ODAD2: variants seen among roughly 807,000 people sequenced by gnomAD.
ODAD2 encodes outer dynein arm docking complex subunit 2.
ODAD2 carries 89 observed loss-of-function variants against 106.8 expected under a neutral mutation model. The observed-to-expected ratio is 0.83, with a 90% CI of 0.70 to 0.99. ODAD2 has a LOEUF of 0.99. ODAD2 is among the 50% of genes least tolerant of loss of function. The probability of loss-of-function intolerance (pLI) is 0.00; values close to 1 mark genes in which losing one functional copy is unlikely to be tolerated. For missense variants in ODAD2, 1,168 were observed against 1,238.5 expected (o/e 0.94, Z 0.85); for synonymous variants, 404 against 436.2 (o/e 0.93, Z 0.92).
intron 7 of ODAD2, among the ~76,000 whole-genome samples, chr10:27,979,313 C>G (rs1267635427): frequency 6.6e-6 from 1 of 151,200 alleles, no homozygotes; most frequent in Non-Finnish European, 1.5e-5. Context: ...CCAGGAAGTC[C>G]TAGCCACAGT....
chr10:27,981,520 A>G lies in ODAD2; in HGVS notation c.882T>C (p.Leu294=). 2.0e-6 allele frequency: 3 copies of G among 1,536,738 alleles called. No homozygotes were observed. The highest frequency in any genetic ancestry group is 2.6e-6 in the Non-Finnish European group (3 of 1,154,546). ...YERKGSIYKN[L]VTFLREKSPK... is the part of the protein sequence containing the mutation. ...GTGATTTTTCTCTTAAAAATGTGAC[A>G]AGGTTTTTATAAATTGAACCTTTTC... The change falls in exon 7 of 20, where the codon CTT becomes CTC. Residue 294 remains leucine (L), a synonymous_variant. Coordinates refer to ENST00000305242, the MANE Select transcript of ODAD2 (RefSeq NM_018076.5).
chr10:27,932,007 T>C (rs970568375), intron 16 of ODAD2, among the ~76,000 whole-genome samples: 2 of 152,038 alleles, frequency 1.3e-5, no homozygotes, highest in African/African-American at 2.4e-5. Flanking sequence ...ACTCAGAACA[T>C]TACTGCAGCC....
At chr10:27,957,802 AGTT>A (rs1477319840) in intron 10 of ODAD2, among the ~76,000 whole-genome samples, 1 of 152,214 alleles carries the variant, frequency 6.6e-6, no homozygotes, top group African/African-American at 2.4e-5. Flanking sequence ...AATAAGCTAT[AGTT>A]CATTGACCTG....
At chr10:27,904,365 A>G (rs1843432105) in intron 17 of ODAD2, 3 of 220,236 alleles carry the variant, frequency 1.4e-5, no homozygotes, top group Admixed American at 1.3e-4. Context: ...TGGGCTGAGT[A>G]CTCAGGAGGC....
intron 7 of ODAD2, among the ~76,000 whole-genome samples, chr10:27,975,390 A>T (rs1849126721): frequency 6.6e-6 from 1 of 152,200 alleles, no homozygotes; most frequent in Non-Finnish European, 1.5e-5. Flanking sequence ...ATAGTCCTAT[A>T]GGTGGATCAA....
intron 17 of ODAD2, among the ~76,000 whole-genome samples, chr10:27,864,565 G>T: frequency 6.7e-6 from 1 of 150,248 alleles, no homozygotes; most frequent in East Asian, 2.0e-4. Context: ...TGAGAGCGGG[G>T]AGTGAGGTGA....
At chr10:27,973,455 A>C (rs1588640471) in intron 7 of ODAD2, among the ~76,000 whole-genome samples, 1 of 152,230 alleles carries the variant, frequency 6.6e-6, no homozygotes, top group Middle Eastern at 3.4e-3. Context: ...CCTAGTATCC[A>C]ATAGTTATTT....
At chr10:27,880,891 T>C (rs1264006300) in intron 17 of ODAD2, among the ~76,000 whole-genome samples, 1 of 152,196 alleles carries the variant, frequency 6.6e-6, no homozygotes, top group Non-Finnish European at 1.5e-5. Flanking sequence ...TCAGAATGTA[T>C]TCATTGGTGG....
intron 14 of ODAD2, among the ~76,000 whole-genome samples, chr10:27,939,598 C>A (rs576405198): frequency 2.6e-5 from 4 of 152,076 alleles, no homozygotes; most frequent in African/African-American, 9.6e-5. Flanking sequence ...ATTAGCCAGG[C>A]ATGGTGGTAA....
intron 17 of ODAD2, among the ~76,000 whole-genome samples, chr10:27,873,700 A>G (rs1209256699): frequency 2.0e-5 from 3 of 152,160 alleles, no homozygotes; most frequent in Non-Finnish European, 2.9e-5. Flanking sequence ...TTCTAGTTTG[A>G]TTGCACTGTG....
intron 17 of ODAD2, among the ~76,000 whole-genome samples, chr10:27,882,210 A>AAAGAAAGG: frequency 6.6e-6 from 1 of 151,442 alleles, no homozygotes; most frequent in African/African-American, 2.4e-5. Flanking sequence ...AGAAAGAAAG[A>AAAGAAAGG]AAGAAAGAAA....
At chr10:27,980,247 T>A (rs1849461639) in intron 7 of ODAD2, among the ~76,000 whole-genome samples, 1 of 152,160 alleles carries the variant, frequency 6.6e-6, no homozygotes, top group Non-Finnish European at 1.5e-5. Flanking sequence ...AAATTTTTCA[T>A]GACCTTGGAT....
intron 16 of ODAD2, among the ~76,000 whole-genome samples, chr10:27,923,296 G>C (rs1020872075): frequency 6.6e-6 from 1 of 152,106 alleles, no homozygotes; most frequent in Non-Finnish European, 1.5e-5. Flanking sequence ...GACTAAAAAA[G>C]TGTAGATCAA....
rs760530771 is a variant in ODAD2, at chr10:27,862,449, G to T, written c.2784C>A (p.Ser928=). The part of the protein sequence containing the change: ...ITDHGVVPLL[S]KLANTNNNKL... ...TGTTACTTACTGTATTTGCCAGTTT[G>T]GACAATAAAGGAACAACTCCATGAT... Residue 928 remains serine (S), a synonymous_variant, in exon 18 of 20, where the codon TCC becomes TCA. Coordinates refer to ENST00000305242, the MANE Select transcript of ODAD2 (RefSeq NM_018076.5). 1 of 1,607,254 alleles carries T rather than the reference G, an allele frequency of 6.2e-7. No homozygotes were observed. Among genetic ancestry groups the T allele is most frequent in the Non-Finnish European group, 8.5e-7 (1 of 1,177,428 alleles).
intron 19 of ODAD2, among the ~76,000 whole-genome samples, chr10:27,835,071 C>T (rs1008633913): frequency 2.0e-5 from 3 of 152,146 alleles, no homozygotes; most frequent in South Asian, 2.1e-4. Flanking sequence ...GTAGACATCG[C>T]GTGGCCCTGC....
intron 9 of ODAD2, among the ~76,000 whole-genome samples, chr10:27,964,725 T>C (rs1848380285): frequency 1.3e-5 from 2 of 152,152 alleles, no homozygotes; most frequent in African/African-American, 4.8e-5. Context: ...AAGTTCCCAT[T>C]ATTTTGTAGC....
chr10:27,834,687 G>A (rs1418292239), intron 19 of ODAD2, among the ~76,000 whole-genome samples: 1 of 152,190 alleles, frequency 6.6e-6, no homozygotes, highest in African/African-American at 2.4e-5. Context: ...GTTTTCAAAA[G>A]AGCAGTGACA....
At chr10:27,854,666 G>A (rs192103013) in intron 19 of ODAD2, among the ~76,000 whole-genome samples, 76 of 152,272 alleles carry the variant, frequency 5.0e-4, no homozygotes, top group African/African-American at 1.8e-3. Context: ...TGAGGCATGA[G>A]AATTGCTTGA....
intron 17 of ODAD2, among the ~76,000 whole-genome samples, chr10:27,880,402 AGTT>A (rs1841622759): frequency 6.6e-6 from 1 of 152,218 alleles, no homozygotes. Context: ...CAGAAAATGT[AGTT>A]TTCAAGACAG....
Sources: gnomAD v4.1 joint callset for allele counts (sites outside exome capture counted in the v4.1 genomes callset) on GRCh38, gnomAD v4.1.1 for gene constraint, MANE v1.5 for transcripts, NCBI Gene and HGNC (gene_info 2026-07-23, HGNC 2026-07-21) for gene names.